The following NNT variants were observed in gnomAD, a reference collection of about 807,000 sequenced individuals.
NNT encodes the protein NAD(P) transhydrogenase, mitochondrial.
A neutral mutation model predicts 104.8 loss-of-function variants in NNT; 50 were observed. The ratio of observed to expected loss-of-function variants is 0.48; its 90% confidence interval spans 0.38 to 0.60. The LOEUF is 0.60. NNT is among the 20% of genes least tolerant of loss of function. The probability of loss-of-function intolerance (pLI) is 0.00; values close to 1 mark genes in which losing one functional copy is unlikely to be tolerated. For missense variants in NNT, 1,131 were observed against 1,330.7 expected (o/e 0.85, Z 2.33); for synonymous variants, 461 against 490.4 (o/e 0.94, Z 0.79).
intron 17 of NNT, among the ~76,000 whole-genome samples, chr5:43,670,884 G>C (rs1741031691): frequency 6.6e-6 from 1 of 152,172 alleles, no homozygotes; most frequent in African/African-American, 2.4e-5. Context: ...ACAGTGGGGT[G>C]TTAAAGTCTT....
At chr5:43,681,603 T>A (rs1741723072) in intron 19 of NNT, among the ~76,000 whole-genome samples, 1 of 152,214 alleles carries the variant, frequency 6.6e-6, no homozygotes, top group Middle Eastern at 3.4e-3. Context: ...TTTCGCCACG[T>A]TGGCCAGGCT....
At position 43,704,487 on chromosome 5, in the gene NNT, A is replaced by T. The variant is rs1054833510; in HGVS notation, c.*83A>T. On this transcript the variant is annotated 3_prime_UTR_variant, in exon 22 of 22. Transcript: ENST00000344920. Reference sequence around the variant, plus strand: ...AAATAAAGTATCAGTATACATGGTGATGTACATCTGTAGCAAAGCTCTTGG... The same window carrying T: ...AAATAAAGTATCAGTATACATGGTGTTGTACATCTGTAGCAAAGCTCTTGG... 99 of 1,387,454 alleles carry T rather than the reference A, an allele frequency of 7.1e-5. No homozygotes were observed. In the Middle Eastern group the frequency reaches 9.0e-4, roughly 13 times the overall value. 85.9% of individuals were successfully genotyped at this position (1,387,454 alleles called of 1,614,324 possible). A position where few individuals can be genotyped will look rare whatever the true frequency, so the allele number is the denominator to read the frequency against.
In NNT at chr5:43,666,963, G is replaced by A. The variant is rs951125308; in HGVS notation, c.2634+7613G>A. 33 of 1,592,332 alleles carry A rather than the reference G, an allele frequency of 2.1e-5. No homozygotes were observed. In the African/African-American group the frequency reaches 3.3e-4, roughly 16 times the overall value. On this transcript the variant is annotated intron_variant, in intron 17 of 21. Coordinates refer to ENST00000344920, the MANE Select transcript of NNT (RefSeq NM_182977.3). ...TGTAGGCAAGTGGATCGAGCTTGCG[G>A]CTGACACCCTTTGGGATCTTGGGCT...
chr5:43,675,810 C>G (rs951001507), intron 18 of NNT, 140 bp downstream of exon 18: 3 of 637,430 alleles, frequency 4.7e-6, no homozygotes, highest in East Asian at 3.1e-5. Flanking sequence ...TCTATGATTA[C>G]TAAGTGAAAA....
In NNT at chr5:43,656,035, C is replaced by T. The variant is rs1159934472; in HGVS notation, c.2255C>T (p.Thr752Ile). ...CTCGGCACTTACATTGGTGGCGTCACCTTTAGTGGGTCTCTCATTGCCTAT... is the reference window on the plus strand; with the variant it reads ...CTCGGCACTTACATTGGTGGCGTCATCTTTAGTGGGTCTCTCATTGCCTAT... Reference protein sequence around the residue: ...AYLGTYIGGVTFSGSLIAYGK... With the variant: ...AYLGTYIGGVIFSGSLIAYGK... Residue 752 changes from threonine to isoleucine, a missense_variant, in exon 15 of 22, where the codon ACC becomes ATC. Thr to Ile is a moderately conservative substitution (Grantham distance 89). Transcript: ENST00000344920. 1 of 1,614,042 alleles carries T rather than the reference C, an allele frequency of 6.2e-7. No homozygotes were observed. Among genetic ancestry groups the T allele is most frequent in the African/African-American group, 1.3e-5 (1 of 74,926 alleles).
intron 7 of NNT, among the ~76,000 whole-genome samples, chr5:43,628,775 C>T (rs1161921937): frequency 2.0e-5 from 3 of 152,014 alleles, no homozygotes; most frequent in African/African-American, 4.8e-5. Context: ...TTAGTAGAGT[C>T]GGGGTTTTGC....
intron 3 of NNT, among the ~76,000 whole-genome samples, chr5:43,615,522 G>A (rs762010368): frequency 6.6e-6 from 1 of 152,172 alleles, no homozygotes; most frequent in South Asian, 2.1e-4. Flanking sequence ...AGGGTAATAA[G>A]TTTTGGGGAC....
chr5:43,647,499 A>T (rs1739515494), intron 10 of NNT, among the ~76,000 whole-genome samples: 1 of 152,124 alleles, frequency 6.6e-6, no homozygotes, highest in Admixed American at 6.5e-5. Context: ...GTTTTTCTTT[A>T]TCTTGAACTC....
At chr5:43,651,949 T>C in intron 13 of NNT, 65 bp downstream of exon 13, 1 of 1,510,352 alleles carries the variant, frequency 6.6e-7, no homozygotes, top group Non-Finnish European at 9.1e-7. Context: ...GATTTAACAT[T>C]GTTAGTTATC....
intron 7 of NNT, 80 bp from the exon 8 acceptor site, chr5:43,644,112 C>T: frequency 7.6e-7 from 1 of 1,322,260 alleles, no homozygotes. Flanking sequence ...CCTGAATGCC[C>T]AGAGACTACT....
chr5:43,689,948 C>T (rs1742177449), intron 19 of NNT, among the ~76,000 whole-genome samples: 1 of 151,610 alleles, frequency 6.6e-6, no homozygotes, highest in Admixed American at 6.6e-5. Context: ...TTGAATTAAC[C>T]CAATCCGTCA....
At chr5:43,634,300 C>T (rs894706706) in intron 7 of NNT, among the ~76,000 whole-genome samples, 2 of 152,082 alleles carry the variant, frequency 1.3e-5, no homozygotes, top group African/African-American at 2.4e-5. Flanking sequence ...GGAAATATAG[C>T]GCAAAAGAAT....
rs1194552869 is a variant in NNT, at chr5:43,615,872, A to C, written c.406A>C (p.Thr136Pro). ...GGTGCGAGCCCCTATGGTTAATCCA[A>C]CATTAGGTGTTCATGAAGCTGACCT... ...VKVRAPMVNP[T>P]LGVHEADLLK... Residue 136 changes from threonine to proline, a missense_variant, in exon 4 of 22, where the codon ACA becomes CCA. Coordinates refer to ENST00000344920, the MANE Select transcript of NNT (RefSeq NM_182977.3). The C allele has an allele frequency of 5.6e-6, 9 of 1,614,080 alleles. No individual in the cohort carries two copies. Among genetic ancestry groups the C allele is most frequent in the Non-Finnish European group, 7.6e-6 (9 of 1,180,034 alleles).
At chr5:43,615,237 T>G (rs941555380) in intron 3 of NNT, among the ~76,000 whole-genome samples, 1 of 152,278 alleles carries the variant, frequency 6.6e-6, no homozygotes, top group Non-Finnish European at 1.5e-5. Flanking sequence ...ATTGACTTAG[T>G]TGATACTTCT....
chr5:43,644,339 C>T lies in NNT; in HGVS notation c.1098+14C>T, dbSNP rs750162740. 5.6e-6 allele frequency: 9 copies of T among 1,609,462 alleles called. No homozygotes were observed. The highest frequency in any genetic ancestry group is 1.6e-4 in the Middle Eastern group (1 of 6,072). The stretch of plus-strand genomic sequence containing the variant: ...TACATTCATAAGGTATAGCAAGATG[C>T]GTTTTCTATCTGTGATCACTTCTCA... On this transcript the variant is annotated intron_variant, in intron 8 of 21. Transcript: ENST00000344920.
chr5:43,700,116 T>C lies in NNT; in HGVS notation c.2877-3T>C, dbSNP rs749460774. On this transcript the variant is annotated splice_region_variant and splice_polypyrimidine_tract_variant and intron_variant, in intron 19 of 21. Transcript: ENST00000344920. ...GCCAGCTCTTCATTTGTTTCATGTC[T>C]AGGTTTGGAATTCACCCAGTTGCAG... is the stretch of plus-strand genomic sequence containing the variant. The C allele has an allele frequency of 7.5e-6, 12 of 1,610,552 alleles. No homozygotes were observed. The highest frequency in any genetic ancestry group is 1.3e-5 in the African/African-American group (1 of 74,806).
intron 19 of NNT, among the ~76,000 whole-genome samples, chr5:43,691,632 C>T (rs1468202560): frequency 6.6e-6 from 1 of 152,172 alleles, no homozygotes; most frequent in Non-Finnish European, 1.5e-5. Flanking sequence ...TACAACTTGG[C>T]ATTAACTTTG....
At chr5:43,620,876 A>G (rs1750049888) in intron 5 of NNT, among the ~76,000 whole-genome samples, 2 of 152,206 alleles carry the variant, frequency 1.3e-5, no homozygotes, top group Admixed American at 1.3e-4. Flanking sequence ...ATCTTTCTAG[A>G]TATATGTGGA....
chr5:43,650,717 C>G (rs1323712708), intron 12 of NNT, 130 bp downstream of exon 12: 6 of 590,044 alleles, frequency 1.0e-5, no homozygotes, highest in African/African-American at 1.8e-5. Context: ...GCTCTTTTTG[C>G]AGGAAAATTA....
Sources: allele counts gnomAD v4.1 joint callset (sites outside exome capture counted in the v4.1 genomes callset), GRCh38; gene constraint gnomAD v4.1.1; transcripts MANE v1.5; gene names NCBI Gene and HGNC (gene_info 2026-07-23, HGNC 2026-07-21).